The following NRP1 variants were observed in gnomAD, a reference collection of about 807,000 sequenced individuals.
NRP1 encodes neuropilin-1.
Under a neutral mutation model 106.7 loss-of-function variants are expected in NRP1, and 35 were observed. The observed-to-expected ratio is 0.33, with a 90% confidence interval of 0.25 to 0.43. NRP1 has a LOEUF of 0.43. Ranked by LOEUF, NRP1 falls within the 20% of genes least tolerant of loss-of-function variation. The probability of loss-of-function intolerance (pLI) is 1.00; values close to 1 mark genes in which losing one functional copy is unlikely to be tolerated. For missense variants in NRP1, 1,024 were observed against 1,170.4 expected (o/e 0.87, Z 1.83); for synonymous variants, 437 against 417.9 (o/e 1.05, Z -0.56).
intron 11 of NRP1, among the ~76,000 whole-genome samples, chr10:33,198,974 A>G (rs1837008203): frequency 6.6e-6 from 1 of 152,202 alleles, no homozygotes; most frequent in African/African-American, 2.4e-5. Context: ...CTCACTGGTC[A>G]GGGGACAGGC....
intron 10 of NRP1, chr10:33,205,627 G>A (rs1837710582): frequency 6.6e-6 from 1 of 152,644 alleles, no homozygotes; most frequent in African/African-American, 2.4e-5. Context: ...CTCTTGTGCT[G>A]AGTCAGTTTC....
intron 6 of NRP1, among the ~76,000 whole-genome samples, chr10:33,240,189 TCA>T (rs1840906269): frequency 6.6e-6 from 1 of 152,048 alleles, no homozygotes; most frequent in Admixed American, 6.6e-5. Flanking sequence ...GTGAAGTTAT[TCA>T]CACACACACA....
chr10:33,315,888 A>C lies in NRP1; in HGVS notation c.248+14820T>G, dbSNP rs1406641128. The stretch of plus-strand genomic sequence containing the variant: ...TGAAGGAAACATCCTATGCACAGGC[A>C]TGGGGCTGGGAAAAGGAGGAGTGAG... On this transcript the variant is annotated intron_variant, in intron 2 of 16. Coordinates refer to ENST00000374867, the MANE Select transcript of NRP1 (RefSeq NM_003873.7). Among the ~76,000 whole-genome samples the C allele has an allele frequency of 2.0e-5, 3 of 152,326 alleles. No homozygotes were observed. In the East Asian group the frequency reaches 5.8e-4, roughly 29 times the overall value.
At chr10:33,186,961 G>A (rs192366819) in intron 13 of NRP1, among the ~76,000 whole-genome samples, 1 of 152,272 alleles carries the variant, frequency 6.6e-6, no homozygotes, top group African/African-American at 2.4e-5. Context: ...TGGTTCAAGT[G>A]ATCATCCTGC....
intron 2 of NRP1, among the ~76,000 whole-genome samples, chr10:33,309,400 A>C (rs1846407753): frequency 6.6e-6 from 1 of 152,200 alleles, no homozygotes; most frequent in African/African-American, 2.4e-5. Flanking sequence ...ATGTCTTAGA[A>C]TGTTCTGCGT....
intron 4 of NRP1, among the ~76,000 whole-genome samples, chr10:33,257,804 C>T (rs1274955674): frequency 6.6e-6 from 1 of 151,992 alleles, no homozygotes; most frequent in African/African-American, 2.4e-5. Flanking sequence ...ACAAGCCACA[C>T]ATAAAAAAGT....
chr10:33,251,575 T>A (rs1312029722), intron 6 of NRP1, among the ~76,000 whole-genome samples: 1 of 152,214 alleles, frequency 6.6e-6, no homozygotes, highest in Non-Finnish European at 1.5e-5. Context: ...CCTGATCATG[T>A]TTTCTCATTG....
chr10:33,281,388 T>A (rs1023248371), intron 2 of NRP1, among the ~76,000 whole-genome samples: 3 of 145,916 alleles, frequency 2.1e-5, no homozygotes, highest in Non-Finnish European at 4.6e-5. Context: ...ACTTTTTTTT[T>A]ATCACAGTCA....
At chr10:33,309,872 T>G (rs1019314187) in intron 2 of NRP1, among the ~76,000 whole-genome samples, 1 of 152,248 alleles carries the variant, frequency 6.6e-6, no homozygotes, top group Non-Finnish European at 1.5e-5. Context: ...TCAAGTTCTT[T>G]TTTGCACATC....
intron 2 of NRP1, among the ~76,000 whole-genome samples, chr10:33,307,029 T>C (rs1262744528): frequency 6.6e-6 from 1 of 152,198 alleles, no homozygotes; most frequent in Non-Finnish European, 1.5e-5. Flanking sequence ...TCTGCATATG[T>C]TGAAATGACA....
chr10:33,258,938 A>T (rs1403676137), intron 4 of NRP1, among the ~76,000 whole-genome samples: 2 of 152,034 alleles, frequency 1.3e-5, no homozygotes, highest in Non-Finnish European at 2.9e-5. Context: ...TTTAAATTAC[A>T]TTAGTGTGGC....
chr10:33,330,081 G>A lies in NRP1; in HGVS notation c.248+627C>T, dbSNP rs139109264. 1.6e-3 allele frequency among the ~76,000 whole-genome samples: 251 copies of A among 152,306 alleles called. 1 individual carries two copies. The highest frequency in any genetic ancestry group is 5.9e-3 in the African/African-American group (244 of 41,576). On this transcript the variant is annotated intron_variant, in intron 2 of 16. Coordinates refer to ENST00000374867, the MANE Select transcript of NRP1 (RefSeq NM_003873.7). ...ACTGATGTGTATTTGAGTTCCCATT[G>A]TATTCATCGTGTCTTAACAATTATT...
chr10:33,238,966 A>G (rs1191187998), intron 6 of NRP1, among the ~76,000 whole-genome samples: 2 of 151,354 alleles, frequency 1.3e-5, no homozygotes, highest in East Asian at 3.9e-4. Flanking sequence ...TAGTACCTAG[A>G]TTATAATTCC....
chr10:33,222,313 A>G (rs1020460373), intron 7 of NRP1, among the ~76,000 whole-genome samples: 3 of 152,188 alleles, frequency 2.0e-5, no homozygotes, highest in Admixed American at 2.0e-4. Flanking sequence ...CAGCTACAGT[A>G]CTAGGTCAAA....
intron 3 of NRP1, among the ~76,000 whole-genome samples, chr10:33,269,141 G>A (rs1843120666): frequency 6.6e-6 from 1 of 152,022 alleles, no homozygotes; most frequent in Admixed American, 6.6e-5. Flanking sequence ...TCTTTCCCTG[G>A]ATTGGTTTTC....
chr10:33,293,672 G>A (rs151327599), intron 2 of NRP1, among the ~76,000 whole-genome samples: 1 of 152,306 alleles, frequency 6.6e-6, no homozygotes, highest in Admixed American at 6.5e-5. Flanking sequence ...AGAGGGGAGA[G>A]AAAACAGAAA....
chr10:33,182,820 C>A (rs1588677400), intron 15 of NRP1, 72 bp from the exon 16 acceptor site: 6 of 1,014,292 alleles, frequency 5.9e-6, no homozygotes, highest in Non-Finnish European at 7.7e-6. Flanking sequence ...ACTACACAAA[C>A]CTTTAGGTAC....
At chr10:33,294,612 C>T (rs992737252) in intron 2 of NRP1, among the ~76,000 whole-genome samples, 3 of 109,740 alleles carry the variant, frequency 2.7e-5, no homozygotes, top group Admixed American at 1.0e-4. Flanking sequence ...AGTGAAACTC[C>T]GTCTCAAAAA....
chr10:33,279,892 C>G (rs150836595), intron 2 of NRP1, among the ~76,000 whole-genome samples: 1 of 152,142 alleles, frequency 6.6e-6, no homozygotes, highest in Non-Finnish European at 1.5e-5. Flanking sequence ...TCAATGTCCT[C>G]TCATCATAGT....
Sources: allele counts gnomAD v4.1 joint callset (sites outside exome capture counted in the v4.1 genomes callset), GRCh38; gene constraint gnomAD v4.1.1; transcripts MANE v1.5; gene names NCBI Gene and HGNC (gene_info 2026-07-23, HGNC 2026-07-21).